KLK13: variants seen among roughly 807,000 people sequenced by gnomAD.
KLK13 encodes kallikrein related peptidase 13.
In KLK13, 19 loss-of-function variants were observed where a neutral mutation model predicts 22.4. The ratio of observed to expected loss-of-function variants is 0.85; its 90% confidence interval spans 0.59 to 1.24. The LOEUF is 1.24. Among genes scored for constraint, KLK13 ranks in the 50% most tolerant of loss-of-function variants. KLK13 has a pLI of 0.00. For missense variants in KLK13, 311 were observed against 347.9 expected, an observed-to-expected ratio of 0.89 and a Z score of 0.84; for synonymous variants, 156 against 141.8, an observed-to-expected ratio of 1.10 and a Z score of -0.71.
intron 1 of KLK13, chr19:51,063,863 T>G: frequency 2.2e-6 from 1 of 460,826 alleles, no homozygotes; most frequent in South Asian, 1.5e-5. Flanking sequence ...AGTCTTCACC[T>G]CATGTCAAGA....
intron 1 of KLK13, among the ~76,000 whole-genome samples, chr19:51,061,719 G>A (rs1319476718): frequency 2.0e-5 from 3 of 152,176 alleles, no homozygotes; most frequent in Non-Finnish European, 4.4e-5. Flanking sequence ...TCTTCTCAAA[G>A]TAGGCTGAGG....
At chr19:51,063,636 C>T in intron 1 of KLK13, 1 of 456,592 alleles carries the variant, frequency 2.2e-6, no homozygotes, top group South Asian at 1.5e-5. Context: ...GGTCTCCTAG[C>T]CTAGGGTGTG....
intron 1 of KLK13, chr19:51,064,813 T>C: frequency 1.6e-6 from 1 of 609,280 alleles, no homozygotes. Context: ...AGGTGAAGGG[T>C]CTGGGGTCGG....
rs1035312264 is a variant in KLK13, at chr19:51,058,414, G to A, written c.645+124C>T. On this transcript the variant is annotated intron_variant, in intron 4 of 4. Coordinates refer to ENST00000595793, the MANE Select transcript of KLK13 (RefSeq NM_015596.3). ...TTTTGTCTTGACCTCCTATGTGAGG[G>A]GACATTGTATCTTATAAAGATTGGT... 11 of 1,131,342 alleles carry A rather than the reference G, an allele frequency of 9.7e-6. No homozygotes were observed. In the Admixed American group the frequency reaches 1.3e-4, roughly 13 times the overall value. 70.1% of individuals were successfully genotyped at this position (1,131,342 alleles called of 1,614,324 possible).
In KLK13 at chr19:51,061,308, A is replaced by G. The variant is rs184335381; in HGVS notation, c.53-689T>C. Among the ~76,000 whole-genome samples the G allele has an allele frequency of 3.9e-5, 6 of 152,092 alleles. No individual in the cohort carries two copies. In the East Asian group the frequency reaches 1.2e-3, roughly 29 times the overall value. On this transcript the variant is annotated intron_variant, in intron 1 of 4. Coordinates refer to ENST00000595793, the MANE Select transcript of KLK13 (RefSeq NM_015596.3). Reference sequence around the variant, plus strand: ...CAATCATCTTTCCACCCATCTCTCTATCCTTTCACTGCATATATACTGGTT... The same window carrying G: ...CAATCATCTTTCCACCCATCTCTCTGTCCTTTCACTGCATATATACTGGTT...
Position 51,059,918 on chromosome 19 carries a change from A to T in KLK13, c.415T>A (p.Tyr139Asn). The change falls in exon 3 of 5, where the codon TAC becomes AAC. Residue 139 changes from tyrosine (Y) to asparagine (N), a missense_variant. Physicochemically the swap from Tyr to Asn is moderately radical, Grantham distance 143 (BLOSUM62 -2). Transcript: ENST00000595793. ...ELQSPVQLTG[Y>N]IQTLPLSHNN... ...TGGGAAAGGGGCAGGGTTTGGATGT[A>T]GCCTGTGAGCTGGACCGGGGACTGC... The T allele has an allele frequency of 1.2e-6, 2 of 1,609,668 alleles. No homozygotes were observed. Among genetic ancestry groups the T allele is most frequent in the Non-Finnish European group, 1.7e-6 (2 of 1,177,742 alleles).
At chr19:51,058,780 T>A in intron 3 of KLK13, 106 bp from the exon 4 acceptor site, 2 of 1,112,118 alleles carry the variant, frequency 1.8e-6, no homozygotes, top group South Asian at 2.8e-5. Context: ...AAAATTGAGA[T>A]GGGAAGAGAA....
At chr19:51,059,671 T>C (rs1288800492) in intron 3 of KLK13, 154 bp downstream of exon 3, 4 of 404,098 alleles carry the variant, frequency 9.9e-6, no homozygotes, top group Non-Finnish European at 1.6e-5. Context: ...TTTATATTTA[T>C]ATAAAGGATA....
intron 2 of KLK13, 65 bp from the exon 3 acceptor site, chr19:51,060,158 C>G (rs2091714020): frequency 1.9e-6 from 3 of 1,576,030 alleles, no homozygotes; most frequent in Non-Finnish European, 8.6e-7. Context: ...CATCCCAGCC[C>G]CAACCTCTTC....
chr19:51,060,258 C>T (rs909338129), intron 2 of KLK13, among the ~76,000 whole-genome samples, 165 bp from the exon 3 acceptor site: 4 of 152,024 alleles, frequency 2.6e-5, no homozygotes, highest in Admixed American at 6.6e-5. Flanking sequence ...TCCAAATCCC[C>T]TACTTTGATT....
At chr19:51,059,694 A>T in intron 3 of KLK13, 131 bp downstream of exon 3, 1 of 527,960 alleles carries the variant, frequency 1.9e-6, no homozygotes, top group Non-Finnish European at 2.9e-6. Flanking sequence ...GCTAACTTTA[A>T]ATATATATAT....
chr19:51,057,225 G>A (rs965403954), intron 4 of KLK13, among the ~76,000 whole-genome samples: 2 of 152,062 alleles, frequency 1.3e-5, no homozygotes, highest in Non-Finnish European at 2.9e-5. Flanking sequence ...TCTGGGCAGG[G>A]TATGCAACAC....
Position 51,059,819 on chromosome 19 carries a change from G to A in KLK13, c.508+6C>T. The A allele has an allele frequency of 6.3e-7, 1 of 1,596,188 alleles. No homozygotes were observed. Among genetic ancestry groups the A allele is most frequent in the South Asian group, 1.1e-5 (1 of 88,508 alleles). On this transcript the variant is annotated splice_donor_region_variant and intron_variant, in intron 3 of 4. Transcript: ENST00000595793. ...GGGGCCTCAGGCCACCTGTGTGGGT[G>A]CATACCCTGGGGGCTGGTGGTGGTG...
At chr19:51,064,826 G>C in intron 1 of KLK13, 190 bp downstream of exon 1, 2 of 611,700 alleles carry the variant, frequency 3.3e-6, no homozygotes, top group Non-Finnish European at 5.8e-6. Flanking sequence ...GGGGTCGGAG[G>C]GCCAACCTCA....
In KLK13 at chr19:51,056,735, T is replaced by C; in HGVS notation, c.686A>G (p.Tyr229Cys). 6.2e-7 allele frequency: 1 copy of C among 1,614,150 alleles called. No homozygotes were observed. Among genetic ancestry groups the C allele is most frequent in the Non-Finnish European group, 8.5e-7 (1 of 1,180,022 alleles). The change falls in exon 5 of 5, where the codon TAT becomes TGT. Residue 229 changes from tyrosine (Y) to cysteine (C), a missense_variant. Transcript: ENST00000595793. ...GAAGTCTCCCCAGGAGACGATGCCA[T>C]ACAGTGTTCTGTTACAGACCAGGGG... ...GGPLVCNRTLYGIVSWGDFPC... is the reference protein window; with the variant it reads ...GGPLVCNRTLCGIVSWGDFPC...
rs775855281 is a variant in KLK13, at chr19:51,056,235, T to C, written c.*352A>G. On this transcript the variant is annotated 3_prime_UTR_variant, in exon 5 of 5. Coordinates refer to ENST00000595793, the MANE Select transcript of KLK13 (RefSeq NM_015596.3). ...AAGGATGGTCCATTTATAGGACATA[T>C]ATTGTTGAGATGGGCTGATGGAAAT... 19 of 252,960 alleles carry C rather than the reference T, an allele frequency of 7.5e-5. No individual in the cohort carries two copies. The highest frequency in any genetic ancestry group is 2.0e-4 in the Admixed American group (4 of 19,722). The allele number at this position is 252,960 out of a possible 1,614,324, so 15.7% of individuals were successfully genotyped here.
intron 1 of KLK13, 144 bp downstream of exon 1, chr19:51,064,872 G>T (rs922420270): frequency 1.5e-6 from 1 of 684,888 alleles, no homozygotes; most frequent in Non-Finnish European, 2.5e-6. Context: ...CAAGCAGGAA[G>T]AGCTCTGAGC....
In KLK13 at chr19:51,065,044, G is replaced by A; in HGVS notation, c.24C>T (p.Ile8=). 1 of 1,368,056 alleles carries A rather than the reference G, an allele frequency of 7.3e-7. No individual in the cohort carries two copies. The highest frequency in any genetic ancestry group is 9.7e-7 in the Non-Finnish European group (1 of 1,032,224). 84.7% of individuals were successfully genotyped at this position (1,368,056 alleles called of 1,614,324 possible). A position where few individuals can be genotyped will look rare whatever the true frequency, so the allele number is the denominator to read the frequency against. Residue 8 remains isoleucine, a synonymous_variant, in exon 1 of 5, where the codon ATC becomes ATT. Transcript: ENST00000595793. MWPLALV[I]ASLTLALSGG... is the part of the protein sequence containing the mutation. ...CTGACAAGGCCAAGGTCAGGGAGGC[G>A]ATCACTAGGGCCAGGGGCCACATGG...
In KLK13 at chr19:51,058,487, C is replaced by T. The variant is rs761005118; in HGVS notation, c.645+51G>A. The T allele has an allele frequency of 5.0e-6, 8 of 1,607,808 alleles. No individual in the cohort carries two copies. The African/African-American group carries it at 1.1e-4, about 22-fold the overall frequency. On this transcript the variant is annotated intron_variant, in intron 4 of 4. Coordinates refer to ENST00000595793, the MANE Select transcript of KLK13 (RefSeq NM_015596.3). The stretch of plus-strand genomic sequence containing the variant: ...CTTTTTCCCCAGCATCTGTCACTTC[C>T]ATTCTGGCTTTCTATCCTGTCCAAG...
Sources: allele counts gnomAD v4.1 joint callset (sites outside exome capture counted in the v4.1 genomes callset), GRCh38; gene constraint gnomAD v4.1.1; transcripts MANE v1.5; gene names NCBI Gene and HGNC (gene_info 2026-07-23, HGNC 2026-07-21).